CPOX: variants seen among roughly 807,000 people sequenced by gnomAD.
The protein encoded by CPOX is oxygen-dependent coproporphyrinogen-III oxidase, mitochondrial.
CPOX carries 24 observed loss-of-function variants against 48.9 expected under a neutral mutation model. The observed-to-expected ratio is 0.49, with a 90% CI of 0.36 to 0.69. The LOEUF is 0.69. Ranked by LOEUF, CPOX falls within the 30% of genes least tolerant of loss-of-function variation. The pLI is 0.00. For missense variants in CPOX, 549 were observed against 597.3 expected (o/e 0.92, Z 0.84); for synonymous variants, 249 against 234.6 (o/e 1.06, Z -0.56).
chr3:98,587,969 T>C (rs1327526953), intron 4 of CPOX, among the ~76,000 whole-genome samples: 1 of 152,304 alleles, frequency 6.6e-6, no homozygotes, highest in Admixed American at 6.5e-5. Flanking sequence ...TTTTCAGTAG[T>C]AATATTAAAT....
chr3:98,577,047 TGAA>T (rs964523725), downstream of CPOX, among the ~76,000 whole-genome samples: 9 of 152,120 alleles, frequency 5.9e-5, no homozygotes, highest in East Asian at 1.9e-4. Flanking sequence ...GAAGGTTTCT[TGAA>T]GAAGATTTAA....
At chr3:98,590,893 G>A (rs530350519) in intron 2 of CPOX, 119 bp downstream of exon 2, 34 of 1,289,066 alleles carry the variant, frequency 2.6e-5, no homozygotes, top group African/African-American at 1.5e-4. Context: ...ATTTGTCAAC[G>A]TGCGGCATAT....
In CPOX at chr3:98,593,052, C is replaced by T. The variant is rs1400860479; in HGVS notation, c.453G>A (p.Lys151=). Residue 151 remains lysine, a synonymous_variant, in exon 1 of 7, where the codon AAG becomes AAA. Coordinates refer to ENST00000647941, the MANE Select transcript of CPOX (RefSeq NM_000097.7). ...LRRRPGDMKT[K]MELLILETQA... ...GGGTCTCCAGAATCAGCAGCTCCAT[C>T]TTGGTCTTCATGTCGCCCGGCCTCC... 1.9e-6 allele frequency: 3 copies of T among 1,614,062 alleles called. No individual in the cohort carries two copies. The highest frequency in any genetic ancestry group is 2.2e-5 in the East Asian group (1 of 44,868).
intron 3 of CPOX, 190 bp downstream of exon 3, chr3:98,590,442 C>T (rs1465473857): frequency 3.1e-6 from 2 of 642,352 alleles, no homozygotes; most frequent in Non-Finnish European, 5.7e-6. Flanking sequence ...AGCCACCAAG[C>T]CTGGCCCCAT....
intron 5 of CPOX, 34 bp from the exon 6 acceptor site, chr3:98,581,545 A>T: frequency 6.6e-7 from 1 of 1,513,152 alleles, no homozygotes; most frequent in Non-Finnish European, 9.2e-7. Flanking sequence ...ATTAAGGGCC[A>T]GCTCAATAAA....
At chr3:98,589,040 C>T (rs1013301616) in intron 3 of CPOX, among the ~76,000 whole-genome samples, 186 bp from the exon 4 acceptor site, 2 of 152,198 alleles carry the variant, frequency 1.3e-5, no homozygotes, top group Non-Finnish European at 2.9e-5. Context: ...GTAAAAGCGG[C>T]CAGGCGAGGT....
the CPOX span, among the ~76,000 whole-genome samples, chr3:98,570,888 T>C: frequency 6.6e-6 from 1 of 152,230 alleles, no homozygotes; most frequent in Admixed American, 6.5e-5. Context: ...TTATCACTTA[T>C]GTGTATCTTT....
chr3:98,573,874 C>T, the CPOX span, among the ~76,000 whole-genome samples: 2 of 152,148 alleles, frequency 1.3e-5, no homozygotes, highest in African/African-American at 4.8e-5. Context: ...ACAATCACAT[C>T]CCACTTGTCT....
At chr3:98,590,953 T>C in intron 2 of CPOX, 59 bp downstream of exon 2, 1 of 1,589,820 alleles carries the variant, frequency 6.3e-7, no homozygotes, top group Non-Finnish European at 8.6e-7. Context: ...TAAATAAAAC[T>C]TGTGGGCAAA....
downstream of CPOX, among the ~76,000 whole-genome samples, chr3:98,576,882 T>C (rs1161021156): frequency 6.6e-6 from 1 of 152,122 alleles, no homozygotes; most frequent in African/African-American, 2.4e-5. Flanking sequence ...GGTTAACACA[T>C]CATTCATTAG....
chr3:98,592,337 C>T (rs960617552), intron 1 of CPOX, among the ~76,000 whole-genome samples: 1 of 152,084 alleles, frequency 6.6e-6, no homozygotes, highest in Non-Finnish European at 1.5e-5. Context: ...TACGCCTCTA[C>T]GAGAACTGGG....
chr3:98,579,433 A>T, downstream of CPOX: 1 of 690,462 alleles, frequency 1.4e-6, no homozygotes, highest in Non-Finnish European at 1.8e-6. Flanking sequence ...GCAACAAAAA[A>T]TATAAATATT....
At chr3:98,589,694 G>T (rs1013688987) in intron 3 of CPOX, 1 of 152,246 alleles carries the variant, frequency 6.6e-6, no homozygotes, top group South Asian at 2.1e-4. Flanking sequence ...GTGCTCACAG[G>T]TCCATGAGTT....
downstream of CPOX, among the ~76,000 whole-genome samples, chr3:98,575,884 A>G (rs1206430773): frequency 1.3e-5 from 2 of 151,618 alleles, no homozygotes; most frequent in Non-Finnish European, 2.9e-5. Context: ...CCTGGCCAAC[A>G]TGGTGAAACC....
chr3:98,575,200 C>CTT (rs1707141851), downstream of CPOX, among the ~76,000 whole-genome samples: 2 of 152,214 alleles, frequency 1.3e-5, no homozygotes, highest in Non-Finnish European at 2.9e-5. Flanking sequence ...TCAACCATCT[C>CTT]ATAAGAAAAC....
chr3:98,590,368 C>CA (rs1203106660), intron 3 of CPOX, among the ~76,000 whole-genome samples: 1 of 152,224 alleles, frequency 6.6e-6, no homozygotes, highest in African/African-American at 2.4e-5. Flanking sequence ...AGGCTGGTCT[C>CA]AAACTCCTAA....
At chr3:98,583,298 T>C (rs962382646) in intron 5 of CPOX, among the ~76,000 whole-genome samples, 2 of 152,232 alleles carry the variant, frequency 1.3e-5, no homozygotes, top group Non-Finnish European at 2.9e-5. Context: ...ATTCTATATA[T>C]TCTTCTTTCT....
chr3:98,593,488 C>G lies in CPOX; in HGVS notation c.17G>C (p.Gly6Ala). 6.6e-7 allele frequency: 1 copy of G among 1,519,334 alleles called. No individual in the cohort carries two copies. Among genetic ancestry groups the G allele is most frequent in the Non-Finnish European group, 8.8e-7 (1 of 1,140,194 alleles). The allele number at this position is 1,519,334 out of a possible 1,614,324, so 94.1% of individuals were successfully genotyped here. The change falls in exon 1 of 7, where the codon GGC becomes GCC. Residue 6 changes from glycine (G) to alanine (A), a missense_variant. Coordinates refer to ENST00000647941, the MANE Select transcript of CPOX (RefSeq NM_000097.7). ...CCAGCAGGGGCCCGAGCTCAGCCTG[C>G]CCAGCTGCAAGGCCATGTTCCCGCA... MALQL[G>A]RLSSGPCWLV...
Position 98,585,474 on chromosome 3 carries a change from TG to T in CPOX, c.1138del (p.Gln380ArgfsTer14). On this transcript the variant is annotated frameshift_variant, in exon 5 of 7. Coordinates refer to ENST00000647941, the MANE Select transcript of CPOX (RefSeq NM_000097.7). LOFTEE classifies it high-confidence loss of function. ...TCTGAGCTGCTGCCACAGCTTCTCCTGGGGGGTGAATGAGTCATCACAGTGC... is the reference window on the plus strand; with the variant it reads ...TCTGAGCTGCTGCCACAGCTTCTCCTGGGGGTGAATGAGTCATCACAGTGC... ...KKHCDDSFTP[Q>X]EKLWQQLRRG... 1.2e-6 allele frequency: 2 copies of T among 1,614,034 alleles called. No homozygotes were observed. The highest frequency in any genetic ancestry group is 1.7e-6 in the Non-Finnish European group (2 of 1,180,000).
Sources: gnomAD v4.1 joint callset for allele counts (sites outside exome capture counted in the v4.1 genomes callset) on GRCh38, gnomAD v4.1.1 for gene constraint, MANE v1.5 for transcripts, NCBI Gene and HGNC (gene_info 2026-07-23, HGNC 2026-07-21) for gene names.